The following KCND2 variants were observed in gnomAD, a reference collection of about 807,000 sequenced individuals.
KCND2 encodes potassium voltage-gated channel subfamily D member 2.
KCND2 carries 16 observed loss-of-function variants against 54.4 expected under a neutral mutation model. That is an observed-to-expected ratio of 0.29 (90% CI 0.20 to 0.45). KCND2 has a LOEUF of 0.45. KCND2 is among the 20% of genes least tolerant of loss of function. The pLI, the probability that KCND2 is intolerant of heterozygous loss-of-function variation, is 1.00. For synonymous variants in KCND2, 317 were observed against 310.7 expected (o/e 1.02, Z -0.21); for missense variants, 486 against 824.2 (o/e 0.59, Z 5.02).
At chr7:120,324,482 T>G (rs1584730560) in intron 1 of KCND2, among the ~76,000 whole-genome samples, 1 of 149,098 alleles carries the variant, frequency 6.7e-6, no homozygotes, top group African/African-American at 2.5e-5. Context: ...TTGTATAAGG[T>G]GTAAGGAAGG....
intron 1 of KCND2, among the ~76,000 whole-genome samples, chr7:120,380,193 A>G (rs184568248): frequency 2.0e-5 from 3 of 152,218 alleles, no homozygotes; most frequent in Admixed American, 2.0e-4. Flanking sequence ...TACATATTTT[A>G]TGTAGGAATA....
chr7:120,522,975 T>A (rs911704407), intron 1 of KCND2, among the ~76,000 whole-genome samples: 1 of 152,188 alleles, frequency 6.6e-6, no homozygotes, highest in Non-Finnish European at 1.5e-5. Context: ...ATTTGTAGTA[T>A]TTTTTACTAG....
intron 1 of KCND2, among the ~76,000 whole-genome samples, chr7:120,699,070 G>T (rs762528224): frequency 6.6e-6 from 1 of 152,016 alleles, no homozygotes; most frequent in Non-Finnish European, 1.5e-5. Flanking sequence ...CATGAGGTCA[G>T]GAGATCGAGA....
At chr7:120,276,935 G>A (rs1034731062) in intron 1 of KCND2, among the ~76,000 whole-genome samples, 1 of 151,956 alleles carries the variant, frequency 6.6e-6, no homozygotes, top group African/African-American at 2.4e-5. Flanking sequence ...TGAGGATTTG[G>A]TAATGGCTAT....
chr7:120,351,347 C>A (rs2116383844), intron 1 of KCND2, among the ~76,000 whole-genome samples: 1 of 141,710 alleles, frequency 7.1e-6, no homozygotes, highest in East Asian at 2.1e-4. Context: ...GGGATCATCT[C>A]AAAAAAATCG....
intron 1 of KCND2, among the ~76,000 whole-genome samples, chr7:120,303,945 G>GT (rs1799617588): frequency 1.3e-5 from 2 of 152,164 alleles, no homozygotes; most frequent in South Asian, 4.1e-4. Flanking sequence ...CCAGCATAGA[G>GT]TTAGTGCTCA....
chr7:120,365,796 A>G (rs541179516), intron 1 of KCND2, among the ~76,000 whole-genome samples: 3 of 152,284 alleles, frequency 2.0e-5, no homozygotes, highest in Admixed American at 1.3e-4. Flanking sequence ...TAGAAGCTCT[A>G]TGGATAGTGT....
intron 1 of KCND2, among the ~76,000 whole-genome samples, chr7:120,539,171 A>T (rs2116377327): frequency 6.6e-6 from 1 of 152,298 alleles, no homozygotes; most frequent in African/African-American, 2.4e-5. Context: ...TAGATAGAAA[A>T]TTGATAGATA....
chr7:120,689,626 T>C (rs1792245611), intron 1 of KCND2, among the ~76,000 whole-genome samples: 2 of 152,228 alleles, frequency 1.3e-5, no homozygotes, highest in Admixed American at 6.5e-5. Flanking sequence ...TATATGATAA[T>C]TTAGACATAA....
At chr7:120,330,318 G>C (rs969643200) in intron 1 of KCND2, among the ~76,000 whole-genome samples, 8 of 151,946 alleles carry the variant, frequency 5.3e-5, no homozygotes, top group African/African-American at 1.9e-4. Context: ...GGTGGCTCAC[G>C]CCTGTAATCC....
chr7:120,439,270 A>G (rs1801916009), intron 1 of KCND2, among the ~76,000 whole-genome samples: 1 of 152,076 alleles, frequency 6.6e-6, no homozygotes, highest in African/African-American at 2.4e-5. Context: ...TTCACTCAGA[A>G]TATCTTCACC....
intron 1 of KCND2, among the ~76,000 whole-genome samples, chr7:120,315,810 G>A (rs1193369958): frequency 1.2e-5 from 1 of 83,618 alleles, no homozygotes; most frequent in Non-Finnish European, 2.6e-5. Context: ...GTGTGTGTGT[G>A]TGTGTGTAAT....
At chr7:120,410,694 C>G (rs960071237) in intron 1 of KCND2, among the ~76,000 whole-genome samples, 1 of 124,636 alleles carries the variant, frequency 8.0e-6, no homozygotes, top group Non-Finnish European at 1.7e-5. Flanking sequence ...TCTCCCACCC[C>G]CCTCCCCCTA....
At chr7:120,306,796 G>A (rs1318956291) in intron 1 of KCND2, among the ~76,000 whole-genome samples, 1 of 151,876 alleles carries the variant, frequency 6.6e-6, no homozygotes, top group Non-Finnish European at 1.5e-5. Context: ...AAATTCAAGA[G>A]AATATTATTA....
chr7:120,633,587 T>TC (rs111906311), intron 1 of KCND2, among the ~76,000 whole-genome samples: 2 of 152,074 alleles, frequency 1.3e-5, no homozygotes, highest in African/African-American at 4.8e-5. Context: ...TATATAACTC[T>TC]CCCCCCAAAA....
At chr7:120,575,548 C>A (rs569829768) in intron 1 of KCND2, among the ~76,000 whole-genome samples, 2 of 152,152 alleles carry the variant, frequency 1.3e-5, no homozygotes, top group Admixed American at 1.3e-4. Context: ...AACACCCTCC[C>A]AGACATACCC....
chr7:120,547,755 T>G (rs1403417126), intron 1 of KCND2, among the ~76,000 whole-genome samples: 1 of 152,080 alleles, frequency 6.6e-6, no homozygotes, highest in Non-Finnish European at 1.5e-5. Flanking sequence ...TTCCTACATG[T>G]TCTTTGTGTT....
intron 1 of KCND2, among the ~76,000 whole-genome samples, chr7:120,666,607 G>C (rs1298818688): frequency 6.6e-6 from 1 of 151,428 alleles, no homozygotes; most frequent in Non-Finnish European, 1.5e-5. Flanking sequence ...TTTTTTCCTT[G>C]TCCACATTGT....
chr7:120,501,671 G>T (rs2116317576), intron 1 of KCND2, among the ~76,000 whole-genome samples: 1 of 152,126 alleles, frequency 6.6e-6, no homozygotes, highest in South Asian at 2.1e-4. Flanking sequence ...TAGGTTCCTT[G>T]CCTGGGAACT....
Sources: allele counts gnomAD v4.1 joint callset (sites outside exome capture counted in the v4.1 genomes callset), GRCh38; gene constraint gnomAD v4.1.1; transcripts MANE v1.5; gene names NCBI Gene and HGNC (gene_info 2026-07-23, HGNC 2026-07-21).